CIITA: variants seen among roughly 807,000 people sequenced by gnomAD.
CIITA encodes the protein class II major histocompatibility complex transactivator.
A neutral mutation model predicts 115.1 loss-of-function variants in CIITA; 72 were observed. That is an observed-to-expected ratio of 0.63 (90% CI 0.52 to 0.76). The LOEUF (loss-of-function observed/expected upper bound fraction) is 0.76, where lower values mean the gene tolerates loss of function less well. Ranked by LOEUF, CIITA falls within the 30% of genes least tolerant of loss-of-function variation. CIITA has a pLI of 0.00. For synonymous variants in CIITA, 763 were observed against 635.6 expected, an observed-to-expected ratio of 1.20 and a Z score of -3.02; for missense variants, 1,617 against 1,463.8, an observed-to-expected ratio of 1.10 and a Z score of -1.71.
intron 1 of CIITA, among the ~76,000 whole-genome samples, chr16:10,887,509 T>G (rs2037078532): frequency 6.9e-6 from 1 of 144,352 alleles, no homozygotes; most frequent in African/African-American, 2.6e-5. Context: ...TTTTTTTTTT[T>G]GTCTGAGACA....
At chr16:10,886,593 A>G (rs945679065) in intron 1 of CIITA, among the ~76,000 whole-genome samples, 1 of 152,190 alleles carries the variant, frequency 6.6e-6, no homozygotes, top group African/African-American at 2.4e-5. Context: ...CTACATTCCC[A>G]CAAACCCGTG....
chr16:10,902,103 C>T lies in CIITA; in HGVS notation c.547C>T (p.Pro183Ser). The T allele has an allele frequency of 6.2e-7, 1 of 1,614,156 alleles. No individual in the cohort carries two copies. The highest frequency in any genetic ancestry group is 8.5e-7 in the Non-Finnish European group (1 of 1,180,018). ...ACCAGTGAGCGACTGCTCCACCCTG[C>T]CCTGCCTGCCACTGCCTGCGCTGTT... ...VGPVSDCSTL[P>S]CLPLPALFNQ... The change falls in exon 7 of 20, where the codon CCC (proline) becomes TCC (serine). Residue 183 changes from proline to serine, a missense_variant. Physicochemically the swap from Pro to Ser is moderately conservative, Grantham distance 74. Coordinates refer to ENST00000324288, the MANE Select transcript of CIITA (RefSeq NM_000246.4).
Position 10,906,732 on chromosome 16 carries a change from C to G in CIITA, c.1240C>G (p.Arg414Gly). The change falls in exon 11 of 20, where the codon CGA (arginine) becomes GGA (glycine). Residue 414 changes from arginine (R) to glycine (G), a missense_variant. Physicochemically the swap from Arg to Gly is moderately radical, Grantham distance 125 (BLOSUM62 -2). Coordinates refer to ENST00000324288, the MANE Select transcript of CIITA (RefSeq NM_000246.4). ...GGAGCACCGGCGGCCGCGTGAGACA[C>G]GAGTGATTGCTGTGCTGGGCAAAGC... ...AKEHRRPRET[R>G]VIAVLGKAGQ... The G allele has an allele frequency of 6.2e-7, 1 of 1,610,802 alleles. No homozygotes were observed. The highest frequency in any genetic ancestry group is 1.7e-5 in the Admixed American group (1 of 59,990).
chr16:10,877,055 TA>T, upstream of CIITA: 3 of 581,760 alleles, frequency 5.2e-6, no homozygotes, highest in Non-Finnish European at 9.2e-6. Flanking sequence ...GGGGAGGGCT[TA>T]AGGGAGTGTG....
rs2038077397 is a variant in CIITA at position 10,895,887 on chromosome 16, G to A, written c.295+123G>A. On this transcript the variant is annotated intron_variant, in intron 3 of 19. Coordinates refer to ENST00000324288, the MANE Select transcript of CIITA (RefSeq NM_000246.4). ...CCCTCCCACAGAAATCATTGCAAGG[G>A]GGATGCGGAGCAATGGCTGGAGGAA... 6 of 960,892 alleles carry A rather than the reference G, an allele frequency of 6.2e-6. No homozygotes were observed. In the South Asian group the frequency reaches 6.9e-5, roughly 11 times the overall value. 59.5% of individuals were successfully genotyped at this position (960,892 alleles called of 1,614,324 possible).
rs972227966 is a variant in CIITA, at chr16:10,879,007, C to T, written c.52+1625C>T. 1 of 220,158 alleles carries T rather than the reference C, an allele frequency of 4.5e-6. No individual in the cohort carries two copies. The highest frequency in any genetic ancestry group is 2.2e-5 in the African/African-American group (1 of 44,500). The allele number at this position is 220,158 out of a possible 1,614,324, so 13.6% of individuals were successfully genotyped here. A position where few individuals can be genotyped will look rare whatever the true frequency, so the allele number is the denominator to read the frequency against. On this transcript the variant is annotated intron_variant, in intron 1 of 19. Coordinates refer to ENST00000324288, the MANE Select transcript of CIITA (RefSeq NM_000246.4). The surrounding 1 kb of genome is among the most constrained non-coding windows in gnomAD (Gnocchi z 4.3). Reference sequence around the variant, plus strand: ...CCCCAGAGCTGGCGGGAGGGAGAGGCCACCAGCAGCGCGCGCGGGAGCCCG... The same window carrying T: ...CCCCAGAGCTGGCGGGAGGGAGAGGTCACCAGCAGCGCGCGCGGGAGCCCG...
chr16:10,891,875 TTA>T (rs1172310441), intron 1 of CIITA, among the ~76,000 whole-genome samples: 2 of 152,032 alleles, frequency 1.3e-5, no homozygotes, highest in African/African-American at 2.4e-5. Context: ...TGCAAGCCGG[TTA>T]TGTTTGGGTT....
rs76866742 is a variant in CIITA, at chr16:10,935,479, G to A, written c.*11624G>A. 1.3e-5 allele frequency: 2 copies of A among 152,348 alleles called. No individual in the cohort carries two copies. The highest frequency in any genetic ancestry group is 3.9e-4 in the East Asian group (2 of 5,192). 9.4% of individuals were successfully genotyped at this position (152,348 alleles called of 1,614,324 possible). ...GTTAGTGTTTTTATCCATGCCAAGC[G>A]ATGATGATTTTCTCTTTAGTGACAG... On this transcript the variant is annotated 3_prime_UTR_variant, in exon 20 of 20. Coordinates refer to ENST00000324288, the MANE Select transcript of CIITA (RefSeq NM_000246.4).
intron 10 of CIITA, among the ~76,000 whole-genome samples, chr16:10,905,288 A>G (rs973760949): frequency 1.3e-5 from 2 of 152,228 alleles, no homozygotes; most frequent in Non-Finnish European, 2.9e-5. Flanking sequence ...AGATGAGGCT[A>G]CTGAGGCATG....
rs747807159 is a variant in CIITA at position 10,901,749 on chromosome 16, G to A, written c.481+191G>A. On this transcript the variant is annotated intron_variant, in intron 6 of 19. Coordinates refer to ENST00000324288, the MANE Select transcript of CIITA (RefSeq NM_000246.4). The surrounding 1 kb of genome is among the most constrained non-coding windows in gnomAD (Gnocchi z 6.8). Reference sequence around the variant, plus strand: ...GGCTCACGACTGTTTGTGGAAGGTGGTAGGGGCTTGGAGCTAACAGATTGT... The same window carrying A: ...GGCTCACGACTGTTTGTGGAAGGTGATAGGGGCTTGGAGCTAACAGATTGT... The A allele has an allele frequency of 2.9e-6, 2 of 686,546 alleles. No homozygotes were observed. Among genetic ancestry groups the A allele is most frequent in the Non-Finnish European group, 5.0e-6 (2 of 402,032 alleles). 42.5% of individuals were successfully genotyped at this position (686,546 alleles called of 1,614,324 possible). A position where few individuals can be genotyped will look rare whatever the true frequency, so the allele number is the denominator to read the frequency against.
intron 1 of CIITA, among the ~76,000 whole-genome samples, chr16:10,885,112 G>C (rs2036808667): frequency 3.9e-5 from 6 of 152,052 alleles, no homozygotes; most frequent in Admixed American, 3.9e-4. Context: ...TCTATATAGA[G>C]ACATTGTGAT....
chr16:10,921,461 G>A (rs1195246555), intron 16 of CIITA, among the ~76,000 whole-genome samples: 7 of 152,196 alleles, frequency 4.6e-5, no homozygotes, highest in Admixed American at 6.5e-5. Context: ...TTCCTGTGAT[G>A]TAGTCAGAAC....
chr16:10,917,810 A>T (rs890526253), intron 15 of CIITA, among the ~76,000 whole-genome samples: 4 of 152,192 alleles, frequency 2.6e-5, no homozygotes, highest in Non-Finnish European at 5.9e-5. Flanking sequence ...CCTAGAGGAT[A>T]TCAAAATCTT....
intron 8 of CIITA, among the ~76,000 whole-genome samples, chr16:10,903,020 G>A (rs1383344631): frequency 6.6e-6 from 1 of 152,210 alleles, no homozygotes; most frequent in Non-Finnish European, 1.5e-5. Flanking sequence ...GAGTGGTTGT[G>A]TGGCCTTCCA....
rs139215446 is a variant in CIITA at position 10,920,404 on chromosome 16, C to T, written c.3150-1763C>T. The stretch of plus-strand genomic sequence containing the variant: ...CTGGGATTACAGATGCCCGCCACCA[C>T]ACCAGGCTATTTTTGTGTTTTCAGT... On this transcript the variant is annotated intron_variant, in intron 16 of 19. Coordinates refer to ENST00000324288, the MANE Select transcript of CIITA (RefSeq NM_000246.4). This position sits in a 1 kb window ranked among gnomAD's most constrained non-coding sequence, Gnocchi z 4.5. Among the ~76,000 whole-genome samples, 12 of 152,288 alleles carry T rather than the reference C, an allele frequency of 7.9e-5. No individual in the cohort carries two copies. In the East Asian group the frequency reaches 2.1e-3, roughly 27 times the overall value.
chr16:10,891,862 C>G lies in CIITA; in HGVS notation c.53-3420C>G, dbSNP rs111244894. Among the ~76,000 whole-genome samples the G allele has an allele frequency of 2.6e-3, 394 of 152,300 alleles. 1 individual carries two copies. Among genetic ancestry groups the G allele is most frequent in the African/African-American group, 8.6e-3 (358 of 41,570 alleles). On this transcript the variant is annotated intron_variant, in intron 1 of 19. Transcript: ENST00000324288. ...CTCTAGTCATGGTTGGCTGGGATCT[C>G]GCTGCAAGCCGGTTATGTTTGGGTT...
At position 10,929,288 on chromosome 16, in the gene CIITA, G is replaced by A; in HGVS notation, c.*5433G>A. ...GTGTCCTCTCCGAAGGTGAAGTGGG[G>A]GAAGCAGGTGCGCTCCGGGATGAAG... On this transcript the variant is annotated 3_prime_UTR_variant, in exon 20 of 20. Coordinates refer to ENST00000324288, the MANE Select transcript of CIITA (RefSeq NM_000246.4). The surrounding 1 kb of genome is among the most constrained non-coding windows in gnomAD (Gnocchi z 4.3). 3.0e-6 allele frequency: 3 copies of A among 985,962 alleles called. No homozygotes were observed. The highest frequency in any genetic ancestry group is 2.4e-6 in the Non-Finnish European group (2 of 829,984). The allele number at this position is 985,962 out of a possible 1,614,324, so 61.1% of individuals were successfully genotyped here.
upstream of CIITA, among the ~76,000 whole-genome samples, chr16:10,875,035 C>G (rs747273759): frequency 6.7e-6 from 1 of 149,858 alleles, no homozygotes; most frequent in Non-Finnish European, 1.5e-5. Flanking sequence ...GTGGCACTAT[C>G]TAAGCTCACT....
chr16:10,883,046 G>A (rs947570861), intron 1 of CIITA, among the ~76,000 whole-genome samples: 3 of 152,132 alleles, frequency 2.0e-5, no homozygotes, highest in Non-Finnish European at 4.4e-5. Flanking sequence ...GCTGGACTCC[G>A]TAGTCAGATC....
Sources: allele counts gnomAD v4.1 joint callset (sites outside exome capture counted in the v4.1 genomes callset), GRCh38; gene constraint gnomAD v4.1.1; non-coding constraint Gnocchi (gnomAD v3.1); transcripts MANE v1.5; gene names NCBI Gene and HGNC (gene_info 2026-07-23, HGNC 2026-07-21).